The following LSAMP variants were observed in gnomAD, a reference collection of about 807,000 sequenced individuals.
The protein encoded by LSAMP is limbic system associated membrane protein.
Under a neutral mutation model 38.6 loss-of-function variants are expected in LSAMP, and 7 were observed. That is an observed-to-expected ratio of 0.18 (90% CI 0.10 to 0.34). The LOEUF is 0.34. Among genes scored for constraint, LSAMP ranks in the 10% least tolerant of loss-of-function variants. LSAMP has a pLI of 1.00. For missense variants in LSAMP, 313 were observed against 420.0 expected, an observed-to-expected ratio of 0.75 and a Z score of 2.23; for synonymous variants, 154 against 166.8, an observed-to-expected ratio of 0.92 and a Z score of 0.59.
At chr3:116,265,602 A>G (rs2046880727) in intron 1 of LSAMP, among the ~76,000 whole-genome samples, 1 of 152,162 alleles carries the variant, frequency 6.6e-6, no homozygotes, top group South Asian at 2.1e-4. Context: ...TTCTTTCCCC[A>G]ACGCCTTGTC....
chr3:116,163,074 T>TA (rs1013832427), intron 1 of LSAMP, among the ~76,000 whole-genome samples: 23 of 152,028 alleles, frequency 1.5e-4, no homozygotes, highest in African/African-American at 5.3e-4. Context: ...TCTTTTTTTT[T>TA]AAATTTTATT....
intron 3 of LSAMP, among the ~76,000 whole-genome samples, chr3:115,898,674 A>T (rs560568348): frequency 6.6e-6 from 1 of 151,802 alleles, no homozygotes; most frequent in Admixed American, 6.6e-5. Flanking sequence ...TTAGATTGAG[A>T]CTCACCTAGT....
intron 1 of LSAMP, among the ~76,000 whole-genome samples, chr3:116,414,442 CTATT>C (rs1276642194): frequency 6.6e-6 from 1 of 152,082 alleles, no homozygotes; most frequent in African/African-American, 2.4e-5. Flanking sequence ...ATTCATTCAT[CTATT>C]TATTTATTTA....
At chr3:115,991,669 G>A (rs1487990313) in intron 3 of LSAMP, among the ~76,000 whole-genome samples, 5 of 152,020 alleles carry the variant, frequency 3.3e-5, no homozygotes, top group Non-Finnish European at 7.4e-5. Flanking sequence ...ATCTATCTGG[G>A]AAAAGAAAAT....
intron 2 of LSAMP, among the ~76,000 whole-genome samples, chr3:116,022,239 T>G (rs1940659614): frequency 2.1e-5 from 1 of 46,564 alleles, no homozygotes; most frequent in South Asian, 4.0e-4. Context: ...ATTAACTTCT[T>G]TTTTTTTTTT....
chr3:116,079,186 C>T (rs1230463980), intron 2 of LSAMP, among the ~76,000 whole-genome samples: 2 of 152,192 alleles, frequency 1.3e-5, no homozygotes, highest in Non-Finnish European at 2.9e-5. Flanking sequence ...CAATTCTCTT[C>T]AATGTAGCCA....
At chr3:116,438,596 A>T (rs534939894) in intron 1 of LSAMP, among the ~76,000 whole-genome samples, 1 of 152,232 alleles carries the variant, frequency 6.6e-6, no homozygotes, top group South Asian at 2.1e-4. Flanking sequence ...GTTCATATAT[A>T]TAAGTGCACA....
At chr3:115,934,289 A>C in intron 3 of LSAMP, among the ~76,000 whole-genome samples, 1 of 151,332 alleles carries the variant, frequency 6.6e-6, no homozygotes, top group African/African-American at 2.4e-5. Context: ...AGCAATTCTC[A>C]AGCCTCCGCC....
At chr3:116,320,773 C>A (rs879636686) in intron 1 of LSAMP, among the ~76,000 whole-genome samples, 1 of 152,142 alleles carries the variant, frequency 6.6e-6, no homozygotes, top group Non-Finnish European at 1.5e-5. Context: ...ATAATGGCAG[C>A]ACTAGCACAG....
chr3:116,250,384 TC>T (rs1333156318), intron 1 of LSAMP, among the ~76,000 whole-genome samples: 1 of 152,196 alleles, frequency 6.6e-6, no homozygotes, highest in Non-Finnish European at 1.5e-5. Context: ...TGGTAACATT[TC>T]CTTCATTAAA....
intron 3 of LSAMP, among the ~76,000 whole-genome samples, chr3:115,854,859 C>T (rs1274629994): frequency 6.6e-6 from 1 of 152,132 alleles, no homozygotes; most frequent in Admixed American, 6.5e-5. Context: ...TAGGTATAAG[C>T]TCATTGAAAA....
intron 3 of LSAMP, among the ~76,000 whole-genome samples, chr3:115,877,541 A>G (rs1219622440): frequency 2.6e-5 from 4 of 152,138 alleles, no homozygotes; most frequent in Non-Finnish European, 5.9e-5. Context: ...CTCAGATCTT[A>G]TCAGCATTAT....
chr3:115,829,380 C>T (rs1461333225), intron 6 of LSAMP, among the ~76,000 whole-genome samples: 18 of 152,080 alleles, frequency 1.2e-4, no homozygotes, highest in Admixed American at 1.2e-3. Flanking sequence ...ATAAACGAGC[C>T]AGGGAATTAG....
intron 1 of LSAMP, among the ~76,000 whole-genome samples, chr3:116,339,282 A>AT (rs35664180): frequency 0.21 from 30,474 of 144,494 alleles, 3,671 homozygotes; most frequent in African/African-American, 0.34. Context: ...CCTTATATAG[A>AT]TTTTTTTTTT....
chr3:115,839,872 T>C (rs1934940472), intron 6 of LSAMP, among the ~76,000 whole-genome samples: 2 of 152,256 alleles, frequency 1.3e-5, no homozygotes, highest in African/African-American at 4.8e-5. Context: ...TGATTCTCAG[T>C]ATACAAACAG....
At chr3:116,090,539 T>G (rs1183057190) in intron 1 of LSAMP, among the ~76,000 whole-genome samples, 1 of 152,212 alleles carries the variant, frequency 6.6e-6, no homozygotes, top group Non-Finnish European at 1.5e-5. Context: ...ACCTAGAATG[T>G]TGCTGCAATT....
intron 1 of LSAMP, among the ~76,000 whole-genome samples, chr3:116,243,575 A>T (rs575512194): frequency 6.6e-6 from 1 of 152,342 alleles, no homozygotes; most frequent in Non-Finnish European, 1.5e-5. Flanking sequence ...TACTCAATGC[A>T]TGTTTTAGCT....
intron 3 of LSAMP, among the ~76,000 whole-genome samples, chr3:115,999,456 A>G (rs1002376961): frequency 9.2e-5 from 14 of 152,138 alleles, no homozygotes; most frequent in Admixed American, 2.0e-4. Flanking sequence ...CAGAGCTAAT[A>G]TGTTGTGCTT....
At chr3:115,924,674 C>A (rs941694067) in intron 3 of LSAMP, among the ~76,000 whole-genome samples, 5 of 152,168 alleles carry the variant, frequency 3.3e-5, no homozygotes, top group African/African-American at 1.2e-4. Flanking sequence ...CTGCAGAATT[C>A]TTTGAGTTTT....
Sources: gnomAD v4.1 joint callset for allele counts (sites outside exome capture counted in the v4.1 genomes callset) on GRCh38, gnomAD v4.1.1 for gene constraint, MANE v1.5 for transcripts, NCBI Gene and HGNC (gene_info 2026-07-23, HGNC 2026-07-21) for gene names.